The following DEPDC1 variants were observed in gnomAD, a reference collection of about 807,000 sequenced individuals.
DEPDC1 encodes DEP domain-containing protein 1A.
A neutral mutation model predicts 86.8 loss-of-function variants in DEPDC1; 66 were observed. That is an observed-to-expected ratio of 0.76 (90% CI 0.62 to 0.93). The LOEUF is 0.93. Among genes scored for constraint, DEPDC1 ranks in the 40% least tolerant of loss-of-function variants. The pLI is 0.00. For synonymous variants in DEPDC1, 255 were observed against 314.9 expected, an observed-to-expected ratio of 0.81 and a Z score of 2.02; for missense variants, 792 against 935.7, an observed-to-expected ratio of 0.85 and a Z score of 2.00.
In DEPDC1 at chr1:68,481,562, A is replaced by G. The variant is rs751723352; in HGVS notation, c.1813T>C (p.Cys605Arg). 9 of 1,611,608 alleles carry G rather than the reference A, an allele frequency of 5.6e-6. No individual in the cohort carries two copies. The highest frequency in any genetic ancestry group is 6.8e-6 in the Non-Finnish European group (8 of 1,178,642). The change falls in exon 9 of 12, where the codon TGT becomes CGT. Residue 605 changes from cysteine to arginine, a missense_variant. Coordinates refer to ENST00000456315, the MANE Select transcript of DEPDC1 (RefSeq NM_001114120.3). ...TTTGGTGGGGGAAGTAACAAACAAC[A>G]TAACTGTAGAGCATCGATGGCAACC... ...ERVAIDALQLCCLLLPPPNRR... is the reference protein window; with the variant it reads ...ERVAIDALQLRCLLLPPPNRR...
Position 68,476,669 on chromosome 1 carries a change from A to G in DEPDC1, c.*263T>C, listed in dbSNP as rs530346730. ...TCAAAATTCAAGTAAATAAAATTTT[A>G]GCACACATCATGATAGCCTTACTGG... On this transcript the variant is annotated 3_prime_UTR_variant, in exon 12 of 12. Transcript: ENST00000456315. The G allele has an allele frequency of 7.6e-6, 2 of 263,744 alleles. No homozygotes were observed. Among genetic ancestry groups the G allele is most frequent in the East Asian group, 1.4e-4 (2 of 14,756 alleles). 16.3% of individuals were successfully genotyped at this position (263,744 alleles called of 1,614,324 possible). A position where few individuals can be genotyped will look rare whatever the true frequency, so the allele number is the denominator to read the frequency against.
chr1:68,481,649 G>A, intron 8 of DEPDC1, 37 bp from the exon 9 acceptor site: 1 of 1,513,316 alleles, frequency 6.6e-7, no homozygotes, highest in South Asian at 1.3e-5. Context: ...AATCATCAAT[G>A]ACACTAGTTG....
chr1:68,474,769 T>C lies in DEPDC1; in HGVS notation c.*2163A>G, dbSNP rs1646103559. Reference sequence around the variant, plus strand: ...AGCTTAGGCGAAGCCCTTCTGAAGATATCCATTCCTTCCTTCCTCATCAAA... The same window carrying C: ...AGCTTAGGCGAAGCCCTTCTGAAGACATCCATTCCTTCCTTCCTCATCAAA... On this transcript the variant is annotated 3_prime_UTR_variant, in exon 12 of 12. Transcript: ENST00000456315. The C allele has an allele frequency of 6.6e-6, 1 of 152,070 alleles. No homozygotes were observed. Among genetic ancestry groups the C allele is most frequent in the African/African-American group, 2.4e-5 (1 of 41,438 alleles). 9.4% of individuals were successfully genotyped at this position (152,070 alleles called of 1,614,324 possible).
chr1:68,481,323 C>A, intron 9 of DEPDC1, 117 bp downstream of exon 9: 13 of 922,764 alleles, frequency 1.4e-5, no homozygotes, highest in Non-Finnish European at 2.1e-5. Flanking sequence ...GCCTTTCCAA[C>A]CTAAGAATCT....
chr1:68,494,360 A>G (rs897431692), intron 2 of DEPDC1, 70 bp downstream of exon 2: 3 of 1,367,288 alleles, frequency 2.2e-6, no homozygotes, highest in Non-Finnish European at 2.9e-6. Context: ...CTGTTATAGT[A>G]AAAGTATAAT....
rs1339984366 is a variant in DEPDC1 at position 68,495,747 on chromosome 1, T to C, written c.49-1052A>G. On this transcript the variant is annotated intron_variant, in intron 1 of 11. Coordinates refer to ENST00000456315, the MANE Select transcript of DEPDC1 (RefSeq NM_001114120.3). Reference sequence around the variant, plus strand: ...TCTGCCACTATTGTTTATGACTTTTTGGGCCTATCTTCAATCTCTATGCCT... The same window carrying C: ...TCTGCCACTATTGTTTATGACTTTTCGGGCCTATCTTCAATCTCTATGCCT... 2.6e-5 allele frequency among the ~76,000 whole-genome samples: 4 copies of C among 152,182 alleles called. No homozygotes were observed. In the South Asian group the frequency reaches 8.3e-4, roughly 32 times the overall value.
Position 68,482,685 on chromosome 1 carries a change from T to G in DEPDC1, c.1123A>C (p.Arg375=). The change falls in exon 8 of 12, where the codon AGA becomes CGA. Residue 375 remains arginine, a synonymous_variant. Coordinates refer to ENST00000456315, the MANE Select transcript of DEPDC1 (RefSeq NM_001114120.3). ...LQISNPGFQE[R]CAKKMQLVNL... is the part of the protein sequence containing the mutation. ...ACTAGCTGCATTTTCTTAGCACATC[T>G]TTCTTGAAATCCTGGATTGCTTATC... 1 of 1,612,514 alleles carries G rather than the reference T, an allele frequency of 6.2e-7. No homozygotes were observed. Among genetic ancestry groups the G allele is most frequent in the Non-Finnish European group, 8.5e-7 (1 of 1,179,218 alleles).
Position 68,476,726 on chromosome 1 carries a change from A to G in DEPDC1, c.*206T>C. 2.4e-6 allele frequency: 1 copy of G among 412,246 alleles called. No individual in the cohort carries two copies. Among genetic ancestry groups the G allele is most frequent in the Non-Finnish European group, 4.3e-6 (1 of 233,246 alleles). 25.5% of individuals were successfully genotyped at this position (412,246 alleles called of 1,614,324 possible). A position where few individuals can be genotyped will look rare whatever the true frequency, so the allele number is the denominator to read the frequency against. Reference sequence around the variant, plus strand: ...GTGTTAAAAACAAAAAGTATTTGGTATCATCTATTGTTATGTGCTCTCAAT... The same window carrying G: ...GTGTTAAAAACAAAAAGTATTTGGTGTCATCTATTGTTATGTGCTCTCAAT... On this transcript the variant is annotated 3_prime_UTR_variant, in exon 12 of 12. Coordinates refer to ENST00000456315, the MANE Select transcript of DEPDC1 (RefSeq NM_001114120.3).
chr1:68,485,468 G>A (rs1646187377), intron 6 of DEPDC1, among the ~76,000 whole-genome samples: 1 of 152,044 alleles, frequency 6.6e-6, no homozygotes, highest in East Asian at 1.9e-4. Flanking sequence ...TACTCTGGGG[G>A]ATCGAATAAC....
At chr1:68,481,342 A>T in intron 9 of DEPDC1, 98 bp downstream of exon 9, 2 of 1,093,818 alleles carry the variant, frequency 1.8e-6, no homozygotes, top group Non-Finnish European at 2.6e-6. Context: ...CTAGCACTTT[A>T]AGACTAAGAC....
At position 68,479,197 on chromosome 1, in the gene DEPDC1, A is replaced by C. The variant is rs1449955463; in HGVS notation, c.2059T>G (p.Ser687Ala). 1 of 1,612,044 alleles carries C rather than the reference A, an allele frequency of 6.2e-7. No homozygotes were observed. Among genetic ancestry groups the C allele is most frequent in the Non-Finnish European group, 8.5e-7 (1 of 1,179,232 alleles). ...DHHQEILQVP[S>A]YLQTAVEKHL... ...TTTTCCACTGCAGTCTGTAAGTAAG[A>C]GGGTACTTGAAGAATTTCCTGATGA... Residue 687 changes from serine to alanine, a missense_variant, in exon 10 of 12, where the codon TCT becomes GCT. Coordinates refer to ENST00000456315, the MANE Select transcript of DEPDC1 (RefSeq NM_001114120.3).
rs1646119600 is a variant in DEPDC1 at position 68,476,950 on chromosome 1, C to T, written c.2418G>A (p.Lys806=). Residue 806 remains lysine, a synonymous_variant, in exon 12 of 12, where the codon AAG becomes AAA. Transcript: ENST00000456315. ...KQPMLILRKP[K]FRSLR is the part of the protein sequence containing the mutation. Reference sequence around the variant, plus strand: ...CAGTTAGTTATCTTAGACTACGGAACTTTGGTTTTCTTAAAATCAGCATTG... The same window carrying T: ...CAGTTAGTTATCTTAGACTACGGAATTTTGGTTTTCTTAAAATCAGCATTG... 6.3e-7 allele frequency: 1 copy of T among 1,598,940 alleles called. No homozygotes were observed. The highest frequency in any genetic ancestry group is 8.5e-7 in the Non-Finnish European group (1 of 1,173,340).
At chr1:68,477,118 G>A (rs1646121143) in intron 11 of DEPDC1, 49 bp from the exon 12 acceptor site, 1 of 1,470,134 alleles carries the variant, frequency 6.8e-7, no homozygotes, top group South Asian at 1.2e-5. Context: ...TATTTCCCAA[G>A]CTGAAGCAGT....
Position 68,496,833 on chromosome 1 carries a change from G to C in DEPDC1, c.48+119C>G. Reference sequence around the variant, plus strand: ...CTCGCCAGCCTTTTCACTGAACCTAGGGATCCTGGGACTCATCCCTCCGAC... The same window carrying C: ...CTCGCCAGCCTTTTCACTGAACCTACGGATCCTGGGACTCATCCCTCCGAC... On this transcript the variant is annotated intron_variant, in intron 1 of 11. Coordinates refer to ENST00000456315, the MANE Select transcript of DEPDC1 (RefSeq NM_001114120.3). This position sits in a 1 kb window ranked among gnomAD's most constrained non-coding sequence, Gnocchi z 4.0. 1 of 964,574 alleles carries C rather than the reference G, an allele frequency of 1.0e-6. No individual in the cohort carries two copies. The allele number at this position is 964,574 out of a possible 1,614,324, so 59.8% of individuals were successfully genotyped here.
rs1404283805 is a variant in DEPDC1 at position 68,482,667 on chromosome 1, G to T, written c.1141C>A (p.Gln381Lys). 1 of 1,612,324 alleles carries T rather than the reference G, an allele frequency of 6.2e-7. No individual in the cohort carries two copies. The highest frequency in any genetic ancestry group is 1.3e-5 in the African/African-American group (1 of 74,800). ...GFQERCAKKM[Q>K]LVNLRNRRVS... ...CTTCTGTTTCTTAAATTAACTAGCTGCATTTTCTTAGCACATCTTTCTTGA... is the reference window on the plus strand; with the variant it reads ...CTTCTGTTTCTTAAATTAACTAGCTTCATTTTCTTAGCACATCTTTCTTGA... Residue 381 changes from glutamine to lysine, a missense_variant, in exon 8 of 12, where the codon CAG becomes AAG. Transcript: ENST00000456315.
chr1:68,480,284 C>A (rs866427352), intron 9 of DEPDC1, among the ~76,000 whole-genome samples: 1 of 126,030 alleles, frequency 7.9e-6, no homozygotes, highest in Non-Finnish European at 1.8e-5. Flanking sequence ...ACACACACAC[C>A]CCTCATTCTA....
chr1:68,483,354 A>C (rs1046454639), intron 7 of DEPDC1: 2 of 509,098 alleles, frequency 3.9e-6, no homozygotes, highest in Non-Finnish European at 7.8e-6. Flanking sequence ...ATTTCAGCGT[A>C]TCTGAGTTCA....
chr1:68,494,367 T>A, intron 2 of DEPDC1, 63 bp downstream of exon 2: 1 of 1,412,640 alleles, frequency 7.1e-7, no homozygotes. Context: ...AGTAAAAGTA[T>A]AATATAAGTA....
chr1:68,485,096 C>T (rs558668155), intron 6 of DEPDC1, among the ~76,000 whole-genome samples: 1 of 151,866 alleles, frequency 6.6e-6, no homozygotes, highest in African/African-American at 2.4e-5. Context: ...TCTTACTTCT[C>T]TGTTTCCAAA....
Sources: gnomAD v4.1 joint callset for allele counts (sites outside exome capture counted in the v4.1 genomes callset) on GRCh38, gnomAD v4.1.1 for gene constraint, Gnocchi (gnomAD v3.1) non-coding constraint, MANE v1.5 for transcripts, NCBI Gene and HGNC (gene_info 2026-07-23, HGNC 2026-07-21) for gene names.